The following ABCA12 variants were observed in gnomAD, a reference collection of about 807,000 sequenced individuals.
ABCA12 encodes the protein ATP binding cassette subfamily A member 12.
ABCA12 carries 156 observed loss-of-function variants against 293.5 expected under a neutral mutation model. That is an observed-to-expected ratio of 0.53 (90% CI 0.47 to 0.61). The LOEUF (loss-of-function observed/expected upper bound fraction) is 0.61, where lower values mean the gene tolerates loss of function less well. Among genes scored for constraint, ABCA12 ranks in the 20% least tolerant of loss-of-function variants. ABCA12 has a pLI of 0.00. For missense variants in ABCA12, 2,797 were observed against 3,090.2 expected, an observed-to-expected ratio of 0.91 and a Z score of 2.25; for synonymous variants, 1,063 against 1,108.0, an observed-to-expected ratio of 0.96 and a Z score of 0.81.
In ABCA12 at chr2:214,986,747, A is replaced by C. The variant is rs1474766304; in HGVS notation, c.3977-19T>G. The C allele has an allele frequency of 6.2e-7, 1 of 1,611,392 alleles. No individual in the cohort carries two copies. Among genetic ancestry groups the C allele is most frequent in the African/African-American group, 1.3e-5 (1 of 74,878 alleles). On this transcript the variant is annotated intron_variant, in intron 27 of 52. Coordinates refer to ENST00000272895, the MANE Select transcript of ABCA12 (RefSeq NM_173076.3). ...TCAGGACCTGGAGAGAAATCAAGGG[A>C]AGAGTTGTAAACTCACAAGTAAGGT...
intron 2 of ABCA12, among the ~76,000 whole-genome samples, chr2:215,074,739 C>T (rs1199670744): frequency 3.9e-5 from 6 of 152,014 alleles, no homozygotes; most frequent in Admixed American, 1.3e-4. Context: ...GTCAGGAGAT[C>T]GAGAACATCC....
At chr2:214,989,271 T>C in intron 26 of ABCA12, 58 bp downstream of exon 26, 1 of 1,550,606 alleles carries the variant, frequency 6.4e-7, no homozygotes, top group South Asian at 1.2e-5. Flanking sequence ...ATATTATTAG[T>C]TGATTTATAT....
At chr2:215,103,914 G>C (rs73987799) in intron 2 of ABCA12, among the ~76,000 whole-genome samples, 5,919 of 152,080 alleles carry the variant, frequency 0.039, 362 homozygotes, top group African/African-American at 0.13. Context: ...TTGAACCCTG[G>C]TGGTGGAGGT....
intron 7 of ABCA12, among the ~76,000 whole-genome samples, chr2:215,039,711 C>T (rs1349848169): frequency 4.6e-5 from 7 of 151,814 alleles, no homozygotes; most frequent in African/African-American, 1.4e-4. Flanking sequence ...GCCCAGATCC[C>T]GCCACTGCAC....
chr2:215,112,488 T>G lies in ABCA12; in HGVS notation c.70-798A>C, dbSNP rs1310588874. 4.4e-3 allele frequency among the ~76,000 whole-genome samples: 377 copies of G among 84,848 alleles called. 1 individual carries two copies. The highest frequency in any genetic ancestry group is 0.03 in the African/African-American group (359 of 12,008). 55.7% of individuals were successfully genotyped at this position (84,848 alleles called of 152,430 possible). On this transcript the variant is annotated intron_variant, in intron 1 of 52. Transcript: ENST00000272895. ...TGAAATTTCTTTGGGTTTTTTTTGTTTTTTTTTTGTTTTTTTTTGTTTTTT... is the reference window on the plus strand; with the variant it reads ...TGAAATTTCTTTGGGTTTTTTTTGTGTTTTTTTTGTTTTTTTTTGTTTTTT...
intron 2 of ABCA12, among the ~76,000 whole-genome samples, chr2:215,083,049 T>G (rs1211071463): frequency 6.6e-6 from 1 of 152,196 alleles, no homozygotes; most frequent in Non-Finnish European, 1.5e-5. Context: ...ATTCTGTATA[T>G]ATTGTGTGAG....
chr2:214,939,823 A>G (rs1362447782), intron 50 of ABCA12, among the ~76,000 whole-genome samples: 33 of 152,162 alleles, frequency 2.2e-4, no homozygotes, highest in Non-Finnish European at 4.7e-4. Flanking sequence ...GTATCTTGAG[A>G]CTTTGCTGAA....
At chr2:214,994,180 TA>T (rs1375124635) in intron 23 of ABCA12, among the ~76,000 whole-genome samples, 4 of 152,010 alleles carry the variant, frequency 2.6e-5, no homozygotes, top group Non-Finnish European at 4.4e-5. Context: ...TTTGTTGTAA[TA>T]AACAAGACCA....
At chr2:215,057,692 T>C (rs1355445449) in intron 3 of ABCA12, among the ~76,000 whole-genome samples, 1 of 152,114 alleles carries the variant, frequency 6.6e-6, no homozygotes, top group Non-Finnish European at 1.5e-5. Flanking sequence ...CAGTGTATTA[T>C]GTTGGCAGAT....
intron 1 of ABCA12, among the ~76,000 whole-genome samples, chr2:215,136,008 TC>T (rs1489515847): frequency 6.6e-6 from 1 of 152,152 alleles, no homozygotes; most frequent in Non-Finnish European, 1.5e-5. Context: ...CTCTTGTCCC[TC>T]TGGTTGGTTA....
chr2:215,124,252 G>C (rs913739511), intron 1 of ABCA12, among the ~76,000 whole-genome samples: 1 of 152,168 alleles, frequency 6.6e-6, no homozygotes, highest in Non-Finnish European at 1.5e-5. Context: ...CTTTTCGAAT[G>C]TGCATTGTGC....
intron 2 of ABCA12, among the ~76,000 whole-genome samples, chr2:215,107,837 G>A (rs1191959380): frequency 6.6e-6 from 1 of 152,228 alleles, no homozygotes; most frequent in African/African-American, 2.4e-5. Context: ...TGACTCCAGT[G>A]CCCGAATTGT....
chr2:214,980,846 C>G (rs1699632418), intron 30 of ABCA12, among the ~76,000 whole-genome samples: 5 of 152,128 alleles, frequency 3.3e-5, no homozygotes, highest in Admixed American at 3.3e-4. Flanking sequence ...CGCCTGTAAT[C>G]CCAGCACTTT....
intron 5 of ABCA12, among the ~76,000 whole-genome samples, chr2:215,050,245 T>A (rs1042633461): frequency 6.6e-6 from 1 of 152,170 alleles, no homozygotes; most frequent in Non-Finnish European, 1.5e-5. Flanking sequence ...AGAAGGAGCT[T>A]CGAGGTCTAT....
At chr2:215,016,281 T>C (rs538731927) in intron 14 of ABCA12, among the ~76,000 whole-genome samples, 1 of 150,214 alleles carries the variant, frequency 6.7e-6, no homozygotes, top group African/African-American at 2.4e-5. Context: ...GGGAAAACGT[T>C]AGTTTAAGAC....
chr2:215,136,757 ATT>A (rs1404501946), intron 1 of ABCA12, among the ~76,000 whole-genome samples: 1 of 152,196 alleles, frequency 6.6e-6, no homozygotes, highest in Non-Finnish European at 1.5e-5. Flanking sequence ...TTTGAAATAC[ATT>A]AGCACATTTG....
chr2:214,983,965 A>G, intron 28 of ABCA12, 100 bp from the exon 29 acceptor site: 1 of 974,066 alleles, frequency 1.0e-6, no homozygotes, highest in East Asian at 2.6e-5. Context: ...AATACAGTGT[A>G]TCTTCTCAGT....
chr2:214,973,803 T>C (rs1186017601), intron 36 of ABCA12, 146 bp downstream of exon 36: 1 of 721,178 alleles, frequency 1.4e-6, no homozygotes, highest in Non-Finnish European at 2.4e-6. Context: ...CAGTATTTTT[T>C]GAGCTGCCCA....
chr2:215,115,817 C>T (rs748155722), intron 1 of ABCA12, among the ~76,000 whole-genome samples: 1 of 152,192 alleles, frequency 6.6e-6, no homozygotes, highest in Non-Finnish European at 1.5e-5. Flanking sequence ...TGAGGAGCCA[C>T]AGCTACCCAG....
Sources: gnomAD v4.1 joint callset for allele counts (sites outside exome capture counted in the v4.1 genomes callset) on GRCh38, gnomAD v4.1.1 for gene constraint, MANE v1.5 for transcripts, NCBI Gene and HGNC (gene_info 2026-07-23, HGNC 2026-07-21) for gene names.